ERC2: variants seen among roughly 807,000 people sequenced by gnomAD.
The protein encoded by ERC2 is ERC protein 2.
A neutral mutation model predicts 114.8 loss-of-function variants in ERC2; 42 were observed. The observed-to-expected ratio is 0.37, with a 90% CI of 0.29 to 0.47. The LOEUF (loss-of-function observed/expected upper bound fraction) is 0.47. Ranked by LOEUF, ERC2 falls within the 20% of genes least tolerant of loss-of-function variation. The pLI is 0.99. For synonymous variants in ERC2, 454 were observed against 425.5 expected (o/e 1.07, Z -0.82); for missense variants, 939 against 1,150.7 (o/e 0.82, Z 2.66).
At chr3:56,439,817 G>A (rs1220676349) in intron 1 of ERC2, among the ~76,000 whole-genome samples, 1 of 151,560 alleles carries the variant, frequency 6.6e-6, no homozygotes, top group Non-Finnish European at 1.5e-5. Flanking sequence ...ATGCATATAA[G>A]ATTATACACA....
chr3:55,741,037 C>T (rs555933231), intron 14 of ERC2, among the ~76,000 whole-genome samples: 1 of 152,240 alleles, frequency 6.6e-6, no homozygotes, highest in South Asian at 2.1e-4. Flanking sequence ...ATGAGGGATA[C>T]TCAACCTGTA....
At chr3:56,053,027 C>G (rs1338450503) in intron 7 of ERC2, among the ~76,000 whole-genome samples, 1 of 152,156 alleles carries the variant, frequency 6.6e-6, no homozygotes, top group Non-Finnish European at 1.5e-5. Flanking sequence ...ACATGGCAAG[C>G]TGCTGAAACA....
At chr3:56,097,439 C>T (rs1010398435) in intron 6 of ERC2, among the ~76,000 whole-genome samples, 2 of 151,862 alleles carry the variant, frequency 1.3e-5, no homozygotes, top group African/African-American at 4.8e-5. Flanking sequence ...TAGCAGTGAA[C>T]ATTTTGGTAT....
intron 7 of ERC2, among the ~76,000 whole-genome samples, chr3:56,059,092 T>G (rs970814710): frequency 3.5e-5 from 3 of 84,786 alleles, no homozygotes; most frequent in Non-Finnish European, 5.7e-5. Context: ...TTTTTTATTT[T>G]TTTTATTTTT....
chr3:56,278,379 C>A (rs1445597864), intron 3 of ERC2, among the ~76,000 whole-genome samples: 1 of 152,110 alleles, frequency 6.6e-6, no homozygotes, highest in Non-Finnish European at 1.5e-5. Context: ...AATAATTGAT[C>A]AATACTCTTC....
chr3:55,825,799 A>G (rs2060301143), intron 14 of ERC2, among the ~76,000 whole-genome samples: 1 of 152,194 alleles, frequency 6.6e-6, no homozygotes, highest in African/African-American at 2.4e-5. Context: ...TATATTTGCT[A>G]GTATTAGTAT....
intron 14 of ERC2, among the ~76,000 whole-genome samples, chr3:55,871,846 A>G (rs2062596589): frequency 6.6e-6 from 1 of 152,158 alleles, no homozygotes; most frequent in African/African-American, 2.4e-5. Context: ...AGCCTTTCAT[A>G]TTTGGGTGCC....
At chr3:55,913,601 A>G (rs1300159361) in intron 13 of ERC2, among the ~76,000 whole-genome samples, 1 of 152,114 alleles carries the variant, frequency 6.6e-6, no homozygotes, top group Non-Finnish European at 1.5e-5. Context: ...TTGCTTCTAC[A>G]AAAGGAAAAA....
At chr3:56,051,135 G>C (rs2075743328) in intron 7 of ERC2, among the ~76,000 whole-genome samples, 1 of 152,150 alleles carries the variant, frequency 6.6e-6, no homozygotes, top group Non-Finnish European at 1.5e-5. Flanking sequence ...ACTTCCCTGG[G>C]CTGTAGGCTT....
At chr3:55,730,994 C>T (rs1488467376) in intron 15 of ERC2, among the ~76,000 whole-genome samples, 2 of 152,208 alleles carry the variant, frequency 1.3e-5, no homozygotes, top group African/African-American at 2.4e-5. Context: ...TCCAAGTCAG[C>T]CATGCAGGTC....
chr3:56,270,696 T>C (rs1177659389), intron 3 of ERC2, among the ~76,000 whole-genome samples: 5 of 152,202 alleles, frequency 3.3e-5, no homozygotes. Flanking sequence ...AGACCAGCCA[T>C]GGGCAGGGCA....
intron 7 of ERC2, among the ~76,000 whole-genome samples, chr3:56,043,227 G>T (rs1426693811): frequency 6.6e-6 from 1 of 152,120 alleles, no homozygotes; most frequent in African/African-American, 2.4e-5. Context: ...AATTTAGTAT[G>T]TAAAATATTC....
intron 17 of ERC2, among the ~76,000 whole-genome samples, chr3:55,529,952 C>T (rs989331024): frequency 1.3e-5 from 2 of 152,138 alleles, no homozygotes; most frequent in African/African-American, 4.8e-5. Context: ...CTCAGTTTCC[C>T]CATTTTCAAG....
chr3:56,050,479 A>G (rs144734947), intron 7 of ERC2, among the ~76,000 whole-genome samples: 1 of 152,252 alleles, frequency 6.6e-6, no homozygotes, highest in African/African-American at 2.4e-5. Context: ...TGCGTCTCCT[A>G]CAAAACCTTC....
At chr3:55,534,257 A>G (rs1002339505) in intron 17 of ERC2, among the ~76,000 whole-genome samples, 2 of 152,176 alleles carry the variant, frequency 1.3e-5, no homozygotes, top group African/African-American at 4.8e-5. Context: ...CATCTTAACA[A>G]AAAGAATAAA....
chr3:55,906,202 C>A (rs1335530106), intron 13 of ERC2, among the ~76,000 whole-genome samples: 1 of 149,496 alleles, frequency 6.7e-6, no homozygotes, highest in South Asian at 2.1e-4. Flanking sequence ...GGGGGCCGGG[C>A]GCGGTGGCTC....
chr3:56,179,520 C>A (rs2083171476), intron 3 of ERC2, among the ~76,000 whole-genome samples: 1 of 151,890 alleles, frequency 6.6e-6, no homozygotes, highest in South Asian at 2.1e-4. Flanking sequence ...TTAGAGGTAA[C>A]TGGAATAACT....
chr3:56,266,080 T>C (rs1178400710), intron 3 of ERC2, among the ~76,000 whole-genome samples: 1 of 126,582 alleles, frequency 7.9e-6, no homozygotes, highest in Non-Finnish European at 1.7e-5. Flanking sequence ...TAAAATAAAA[T>C]AAAATAAAAT....
At chr3:55,955,335 T>C (rs2067880125) in intron 12 of ERC2, among the ~76,000 whole-genome samples, 1 of 151,972 alleles carries the variant, frequency 6.6e-6, no homozygotes, top group Admixed American at 6.6e-5. Flanking sequence ...ATATTAAGTG[T>C]ACAAGTCAAA....
Sources: gnomAD v4.1 joint callset for allele counts (sites outside exome capture counted in the v4.1 genomes callset) on GRCh38, gnomAD v4.1.1 for gene constraint, MANE v1.5 for transcripts, NCBI Gene and HGNC (gene_info 2026-07-23, HGNC 2026-07-21) for gene names.